The following LRRC7 variants were observed in gnomAD, a reference collection of about 807,000 sequenced individuals.
LRRC7 encodes leucine-rich repeat-containing protein 7.
In LRRC7, 23 loss-of-function variants were observed where a neutral mutation model predicts 175.7. The ratio of observed to expected loss-of-function variants is 0.13; its 90% CI spans 0.09 to 0.19. The LOEUF (loss-of-function observed/expected upper bound fraction) is 0.19. Ranked by LOEUF, LRRC7 falls within the 10% of genes least tolerant of loss-of-function variation. LRRC7 has a pLI of 1.00. For missense variants in LRRC7, 1,354 were observed against 1,904.7 expected, an observed-to-expected ratio of 0.71 and a Z score of 5.38; for synonymous variants, 685 against 680.9, an observed-to-expected ratio of 1.01 and a Z score of -0.09.
At chr1:69,669,853 G>A (rs1308215377) in intron 1 of LRRC7, among the ~76,000 whole-genome samples, 2 of 152,042 alleles carry the variant, frequency 1.3e-5, no homozygotes, top group Non-Finnish European at 2.9e-5. Context: ...GCTATGAAAA[G>A]ACTCTGATGC....
intron 7 of LRRC7, among the ~76,000 whole-genome samples, chr1:69,863,579 T>C (rs757587306): frequency 2.0e-5 from 3 of 152,228 alleles, no homozygotes; most frequent in Non-Finnish European, 4.4e-5. Flanking sequence ...AATATGGTAA[T>C]GGACAAAAGT....
At position 70,123,924 on chromosome 1, in the gene LRRC7, G is replaced by A. The variant is rs148517217; in HGVS notation, c.*2037G>A. Among the ~76,000 whole-genome samples the A allele has an allele frequency of 3.4e-4, 52 of 152,242 alleles. No homozygotes were observed. In the East Asian group the frequency reaches 9.3e-3, roughly 27 times the overall value. On this transcript the variant is annotated 3_prime_UTR_variant, in exon 27 of 27. Coordinates refer to ENST00000651989, the MANE Select transcript of LRRC7 (RefSeq NM_001370785.2). ...TTTCTTAATCTTTTATGGGAGAAGT[G>A]GGAGAAGAGCCAGATATAGAACTGC...
chr1:69,879,238 A>AAAAAAAAAAAAAC, intron 7 of LRRC7, among the ~76,000 whole-genome samples: 1 of 140,030 alleles, frequency 7.1e-6, no homozygotes, highest in African/African-American at 2.6e-5. Context: ...AAAAAAAAAG[A>AAAAAAAAAAAAAC]CTGCGCACTG....
chr1:69,730,131 G>A (rs766055042), intron 2 of LRRC7, among the ~76,000 whole-genome samples: 39 of 152,280 alleles, frequency 2.6e-4, no homozygotes, highest in Non-Finnish European at 4.3e-4. Context: ...CCCTTGACCT[G>A]GCCCAAGAAA....
intron 7 of LRRC7, among the ~76,000 whole-genome samples, chr1:69,917,298 G>A (rs535477608): frequency 3.4e-4 from 51 of 152,226 alleles, no homozygotes; most frequent in African/African-American, 1.0e-3. Context: ...CATATCTTCA[G>A]GTTCAGCTAT....
At chr1:69,935,165 T>A (rs573788202) in intron 8 of LRRC7, among the ~76,000 whole-genome samples, 1 of 152,164 alleles carries the variant, frequency 6.6e-6, no homozygotes, top group African/African-American at 2.4e-5. Flanking sequence ...GGGAGTACAA[T>A]GGTTATTGGA....
At chr1:69,901,265 C>T (rs376456878) in intron 7 of LRRC7, among the ~76,000 whole-genome samples, 1 of 152,004 alleles carries the variant, frequency 6.6e-6, no homozygotes, top group South Asian at 2.1e-4. Context: ...AGTACACATT[C>T]AAGAGATAAT....
At chr1:69,764,758 T>TAGATAGAC (rs1671433802) in intron 3 of LRRC7, among the ~76,000 whole-genome samples, 5 of 147,386 alleles carry the variant, frequency 3.4e-5, no homozygotes, top group Admixed American at 2.0e-4. Flanking sequence ...GATAGATAGA[T>TAGATAGAC]AGATAGATAG....
At chr1:69,637,331 T>G (rs1653548332) in intron 1 of LRRC7, among the ~76,000 whole-genome samples, 1 of 151,972 alleles carries the variant, frequency 6.6e-6, no homozygotes. Context: ...TAAAAAGTAT[T>G]ATTGTCTTTA....
Position 69,853,917 on chromosome 1 carries a change from G to A in LRRC7, c.647+15634G>A, listed in dbSNP as rs536420987. ...AAAATTTACTACCTTGTAAAGCCTG[G>A]CAGATATTTCACTGATAAAGTTTTG... On this transcript the variant is annotated intron_variant, in intron 7 of 26. Transcript: ENST00000651989. Among the ~76,000 whole-genome samples the A allele has an allele frequency of 3.3e-5, 5 of 152,208 alleles. No homozygotes were observed. The East Asian group carries it at 9.7e-4, about 29-fold the overall frequency.
chr1:69,885,304 G>A (rs1435740233), intron 7 of LRRC7, among the ~76,000 whole-genome samples: 1 of 144,506 alleles, frequency 6.9e-6, no homozygotes, highest in Non-Finnish European at 1.5e-5. Context: ...TCCTGTTATT[G>A]GTCTATTCAG....
At chr1:69,939,778 C>A (rs1043313972) in intron 8 of LRRC7, among the ~76,000 whole-genome samples, 2 of 152,098 alleles carry the variant, frequency 1.3e-5, no homozygotes, top group African/African-American at 2.4e-5. Flanking sequence ...TAGAACAAAT[C>A]ATTTGATTTT....
rs531016263 is a variant in LRRC7, at chr1:70,108,820, A to G, written c.4620+994A>G. On this transcript the variant is annotated intron_variant, in intron 26 of 26. Transcript: ENST00000651989. ...AACCTTAGATCAACTATACAAACAC[A>G]GTTTAAAAATGCAAGGATCCCCTCA... 2.0e-5 allele frequency among the ~76,000 whole-genome samples: 3 copies of G among 152,350 alleles called. No individual in the cohort carries two copies. The South Asian group carries it at 6.2e-4, about 32-fold the overall frequency.
chr1:70,004,228 T>C (rs1287519312), intron 11 of LRRC7, among the ~76,000 whole-genome samples: 1 of 152,212 alleles, frequency 6.6e-6, no homozygotes, highest in East Asian at 1.9e-4. Flanking sequence ...GATTTGGTAC[T>C]AAAATGGGGT....
intron 2 of LRRC7, among the ~76,000 whole-genome samples, chr1:69,695,648 G>A (rs1662486003): frequency 6.6e-6 from 1 of 152,174 alleles, no homozygotes; most frequent in South Asian, 2.1e-4. Flanking sequence ...GAGGTCTAGT[G>A]GAAAAGAATG....
intron 7 of LRRC7, among the ~76,000 whole-genome samples, chr1:69,925,736 C>G (rs898249388): frequency 1.3e-5 from 2 of 151,868 alleles, no homozygotes; most frequent in Non-Finnish European, 2.9e-5. Flanking sequence ...TTTGTTGATC[C>G]TTGCAAAAAA....
At chr1:70,051,643 A>G (rs1299162438) in intron 22 of LRRC7, among the ~76,000 whole-genome samples, 2 of 152,086 alleles carry the variant, frequency 1.3e-5, no homozygotes, top group African/African-American at 4.8e-5. Context: ...GCTTAAATTC[A>G]GTACCTTTTT....
intron 8 of LRRC7, among the ~76,000 whole-genome samples, chr1:69,970,847 T>C (rs1377543362): frequency 1.3e-5 from 2 of 152,098 alleles, no homozygotes; most frequent in African/African-American, 4.8e-5. Flanking sequence ...TACAAATCAA[T>C]ATCCCTGATG....
chr1:70,064,497 C>T (rs1478106715), intron 23 of LRRC7, among the ~76,000 whole-genome samples: 1 of 151,722 alleles, frequency 6.6e-6, no homozygotes, highest in Admixed American at 6.6e-5. Context: ...TTATTCCCCT[C>T]ATATATTTTA....
Sources: allele counts gnomAD v4.1 joint callset (sites outside exome capture counted in the v4.1 genomes callset), GRCh38; gene constraint gnomAD v4.1.1; transcripts MANE v1.5; gene names NCBI Gene and HGNC (gene_info 2026-07-23, HGNC 2026-07-21).